Variants in TBC1D31 observed in about 807,000 individuals in gnomAD.
TBC1D31 encodes WD repeat domain 67.
Under a neutral mutation model 132.9 loss-of-function variants are expected in TBC1D31, and 99 were observed. That is an observed-to-expected ratio of 0.74 (90% confidence interval 0.63 to 0.88). TBC1D31 has a LOEUF of 0.88. Among genes scored for constraint, TBC1D31 ranks in the 40% least tolerant of loss-of-function variants. The pLI is 0.00. For synonymous variants in TBC1D31, 385 were observed against 419.4 expected, an observed-to-expected ratio of 0.92 and a Z score of 1.00; for missense variants, 1,134 against 1,256.6, an observed-to-expected ratio of 0.90 and a Z score of 1.48.
intron 12 of TBC1D31, 52 bp from the exon 13 acceptor site, chr8:123,126,455 TC>T: frequency 6.6e-7 from 1 of 1,507,274 alleles, no homozygotes; most frequent in Non-Finnish European, 9.1e-7. Flanking sequence ...TACCAATGAC[TC>T]CCTTTTTACT....
At chr8:123,110,072 C>T (rs1162759700) in intron 10 of TBC1D31, among the ~76,000 whole-genome samples, 3 of 152,010 alleles carry the variant, frequency 2.0e-5, no homozygotes, top group Non-Finnish European at 2.9e-5. Context: ...CCAGCCTGGG[C>T]GACAGGGCAA....
intron 10 of TBC1D31, among the ~76,000 whole-genome samples, chr8:123,118,050 G>A (rs1819117560): frequency 6.6e-6 from 1 of 152,134 alleles, no homozygotes; most frequent in Admixed American, 6.5e-5. Context: ...AACCCAAATT[G>A]AGGAACAATC....
At chr8:123,073,440 G>C (rs1281552896) in intron 1 of TBC1D31, 2 of 455,750 alleles carry the variant, frequency 4.4e-6, no homozygotes, top group East Asian at 1.4e-4. Context: ...GTGTATGTAG[G>C]GGCTGGGGCG....
chr8:123,100,581 C>CAATAAT (rs923627073), intron 6 of TBC1D31, among the ~76,000 whole-genome samples: 8 of 150,228 alleles, frequency 5.3e-5, no homozygotes, highest in African/African-American at 1.2e-4. Context: ...CATCTCAAAA[C>CAATAAT]AATAATAATA....
At chr8:123,091,983 T>C (rs1477309870) in intron 4 of TBC1D31, among the ~76,000 whole-genome samples, 2 of 152,224 alleles carry the variant, frequency 1.3e-5, no homozygotes, top group Non-Finnish European at 2.9e-5. Context: ...CACTTACTTA[T>C]CCTGAAACAC....
intron 1 of TBC1D31, 40 bp from the exon 2 acceptor site, chr8:123,077,071 C>A: frequency 1.3e-6 from 2 of 1,536,564 alleles, no homozygotes; most frequent in South Asian, 1.2e-5. Context: ...TCAAGTAATA[C>A]GTGACATAGA....
At chr8:123,134,515 G>A (rs1156792525) in intron 17 of TBC1D31, among the ~76,000 whole-genome samples, 4 of 151,774 alleles carry the variant, frequency 2.6e-5, no homozygotes, top group Admixed American at 2.0e-4. Context: ...CAAACAGAGC[G>A]AGACCCTATC....
downstream of TBC1D31, among the ~76,000 whole-genome samples, chr8:123,155,295 GT>G (rs1276854309): frequency 6.6e-6 from 1 of 152,150 alleles, no homozygotes. The surrounding 1 kb of genome is among the most constrained non-coding windows in gnomAD (Gnocchi z 4.1). Flanking sequence ...GAAAAACTCT[GT>G]GGTGACTCAT....
downstream of TBC1D31, among the ~76,000 whole-genome samples, chr8:123,156,126 G>A (rs926415477): frequency 6.6e-6 from 1 of 152,148 alleles, no homozygotes; most frequent in Non-Finnish European, 1.5e-5. Context: ...TAGTAAACCT[G>A]GTTAGTAAAA....
intron 14 of TBC1D31, 46 bp downstream of exon 14, chr8:123,128,559 TA>T: frequency 7.4e-7 from 1 of 1,349,110 alleles, no homozygotes; most frequent in Non-Finnish European, 1.0e-6. Flanking sequence ...TGAAATATGT[TA>T]TAAACATAAG....
intron 5 of TBC1D31, among the ~76,000 whole-genome samples, chr8:123,096,765 G>A (rs1816878878): frequency 6.6e-6 from 1 of 152,214 alleles, no homozygotes; most frequent in Non-Finnish European, 1.5e-5. Context: ...GAATGAGTGA[G>A]CAACGGCCTT....
Position 123,082,712 on chromosome 8 carries a change from G to C in TBC1D31, c.235G>C (p.Val79Leu). ...FDLHGNRFNL[V>L]QRTAQACTAL... ...ATGATCTCTTAATAGGTTCAATCTT[G>C]TTCAGCGAACAGCACAAGCTTGCAC... is the stretch of plus-strand genomic sequence containing the variant. Residue 79 changes from valine (V) to leucine (L), a missense_variant, in exon 3 of 22, where the codon GTT (valine) becomes CTT (leucine). Val to Leu is a conservative substitution (Grantham distance 32, BLOSUM62 1). Transcript: ENST00000287380. 1 of 1,608,172 alleles carries C rather than the reference G, an allele frequency of 6.2e-7. No homozygotes were observed. The highest frequency in any genetic ancestry group is 8.5e-7 in the Non-Finnish European group (1 of 1,178,426).
chr8:123,073,982 G>A (rs775251603), intron 1 of TBC1D31, among the ~76,000 whole-genome samples: 3 of 151,734 alleles, frequency 2.0e-5, no homozygotes, highest in African/African-American at 4.8e-5. Context: ...CACCGCGCCC[G>A]GCCTCTAGTG....
intron 1 of TBC1D31, chr8:123,073,485 C>G: frequency 4.5e-6 from 2 of 441,442 alleles, no homozygotes; most frequent in South Asian, 3.2e-5. Context: ...TCTAGTACGG[C>G]CAGCGCTGCT....
At chr8:123,102,200 A>G (rs1817494780) in intron 7 of TBC1D31, 1 of 456,238 alleles carries the variant, frequency 2.2e-6, no homozygotes, top group Non-Finnish European at 4.4e-6. Flanking sequence ...GGTAGCTCTA[A>G]CAGAGACTTT....
At chr8:123,127,231 C>G in intron 13 of TBC1D31, among the ~76,000 whole-genome samples, 1 of 143,206 alleles carries the variant, frequency 7.0e-6, no homozygotes, top group Non-Finnish European at 1.5e-5. Context: ...AGAAAAGAAT[C>G]ATGATAATAT....
chr8:123,158,332 T>G, the TBC1D31 span, among the ~76,000 whole-genome samples: 1 of 152,206 alleles, frequency 6.6e-6, no homozygotes, highest in African/African-American at 2.4e-5. Context: ...CATTGAGGAT[T>G]TGTACTTTTC....
intron 10 of TBC1D31, among the ~76,000 whole-genome samples, chr8:123,114,308 TG>T (rs1818718542): frequency 6.9e-6 from 1 of 145,696 alleles, no homozygotes; most frequent in African/African-American, 2.5e-5. Flanking sequence ...GTTTTCTGTT[TG>T]TTTGTTTTTT....
chr8:123,142,511 T>C, intron 19 of TBC1D31, 55 bp downstream of exon 19: 1 of 1,349,588 alleles, frequency 7.4e-7, no homozygotes, highest in Non-Finnish European at 9.7e-7. Context: ...TTTTTTTTTT[T>C]TTAAAAGACA....
Sources: gnomAD v4.1 joint callset for allele counts (sites outside exome capture counted in the v4.1 genomes callset) on GRCh38, gnomAD v4.1.1 for gene constraint, Gnocchi (gnomAD v3.1) non-coding constraint, MANE v1.5 for transcripts, NCBI Gene and HGNC (gene_info 2026-07-23, HGNC 2026-07-21) for gene names.